The following PTPRG variants were observed in gnomAD, a reference collection of about 807,000 sequenced individuals.
PTPRG encodes receptor-type tyrosine-protein phosphatase gamma.
A neutral mutation model predicts 165.3 loss-of-function variants in PTPRG; 102 were observed. The observed-to-expected ratio is 0.62, with a 90% CI of 0.53 to 0.73. The LOEUF (loss-of-function observed/expected upper bound fraction) is 0.73. PTPRG is among the 30% of genes least tolerant of loss of function. PTPRG has a pLI of 0.00. For synonymous variants in PTPRG, 675 were observed against 669.5 expected (o/e 1.01, Z -0.13); for missense variants, 1,866 against 1,861.4 (o/e 1.00, Z -0.05).
chr3:62,108,152 C>T (rs919783908), intron 5 of PTPRG, among the ~76,000 whole-genome samples: 1 of 151,980 alleles, frequency 6.6e-6, no homozygotes, highest in Non-Finnish European at 1.5e-5. Flanking sequence ...CCCATCAACC[C>T]GTCACCTACG....
chr3:61,940,656 TATTTA>T (rs2039599258), intron 2 of PTPRG, among the ~76,000 whole-genome samples: 1 of 91,718 alleles, frequency 1.1e-5, no homozygotes, highest in African/African-American at 3.4e-5. Context: ...TGCTTTTATT[TATTTA>T]TTTATTTATT....
chr3:62,155,709 G>C (rs1016429850), intron 6 of PTPRG, among the ~76,000 whole-genome samples: 3 of 152,132 alleles, frequency 2.0e-5, no homozygotes, highest in African/African-American at 7.2e-5. Flanking sequence ...GATTCTTGTT[G>C]GGTTTTTGCA....
intron 5 of PTPRG, among the ~76,000 whole-genome samples, chr3:62,085,522 T>C (rs1701723749): frequency 6.6e-6 from 1 of 152,184 alleles, no homozygotes; most frequent in African/African-American, 2.4e-5. Flanking sequence ...AGGTGATGAG[T>C]GAAGAGGGTT....
intron 4 of PTPRG, among the ~76,000 whole-genome samples, chr3:62,039,871 G>C (rs1700070749): frequency 6.6e-6 from 1 of 152,094 alleles, no homozygotes; most frequent in Admixed American, 6.6e-5. Context: ...TAATCATTAA[G>C]TATGTTTAAT....
intron 1 of PTPRG, among the ~76,000 whole-genome samples, chr3:61,706,509 TC>T (rs2031266443): frequency 2.0e-5 from 3 of 146,852 alleles, no homozygotes; most frequent in African/African-American, 7.4e-5. Context: ...TTTTTTTTTT[TC>T]GAGATGAAGT....
At chr3:62,128,914 C>T (rs988252932) in intron 5 of PTPRG, among the ~76,000 whole-genome samples, 3 of 151,886 alleles carry the variant, frequency 2.0e-5, no homozygotes, top group Non-Finnish European at 4.4e-5. Context: ...AACAAATCCA[C>T]TTATTAGCAT....
intron 1 of PTPRG, among the ~76,000 whole-genome samples, chr3:61,573,540 A>G (rs939554755): frequency 1.3e-5 from 2 of 152,216 alleles, no homozygotes; most frequent in Non-Finnish European, 2.9e-5. Flanking sequence ...CCCTTGTTTT[A>G]GTACATGTTC....
At chr3:61,652,251 G>A (rs1000315113) in intron 1 of PTPRG, among the ~76,000 whole-genome samples, 1 of 152,282 alleles carries the variant, frequency 6.6e-6, no homozygotes, top group Non-Finnish European at 1.5e-5. Context: ...AGGTTGCACC[G>A]AGCCCAGATC....
At chr3:61,611,603 C>T (rs985035082) in intron 1 of PTPRG, among the ~76,000 whole-genome samples, 3 of 152,140 alleles carry the variant, frequency 2.0e-5, no homozygotes, top group Non-Finnish European at 4.4e-5. Flanking sequence ...GAGCTGCTTT[C>T]CCCAAATTTG....
intron 2 of PTPRG, among the ~76,000 whole-genome samples, chr3:61,988,694 A>G (rs1425429190): frequency 6.6e-6 from 1 of 152,152 alleles, no homozygotes; most frequent in Non-Finnish European, 1.5e-5. Flanking sequence ...TCAATAAAGG[A>G]TTCAGTCTTA....
At chr3:61,636,447 A>G (rs1224600719) in intron 1 of PTPRG, among the ~76,000 whole-genome samples, 1 of 152,162 alleles carries the variant, frequency 6.6e-6, no homozygotes, top group Non-Finnish European at 1.5e-5. Context: ...ACTTAGCAAA[A>G]TATTTTCAAG....
At chr3:62,184,959 A>C (rs1010387319) in intron 8 of PTPRG, among the ~76,000 whole-genome samples, 1 of 151,750 alleles carries the variant, frequency 6.6e-6, no homozygotes, top group South Asian at 2.1e-4. Context: ...CTTGGAAATT[A>C]CACTGACTTT....
At chr3:61,759,799 G>GT (rs74970726) in intron 2 of PTPRG, among the ~76,000 whole-genome samples, 3,591 of 145,900 alleles carry the variant, frequency 0.025, 116 homozygotes, top group African/African-American at 0.077. Flanking sequence ...TCTTCTTGAG[G>GT]TTTTTTTTTT....
At chr3:62,265,399 TTTAC>T (rs1169662176) in intron 17 of PTPRG, among the ~76,000 whole-genome samples, 3 of 152,212 alleles carry the variant, frequency 2.0e-5, no homozygotes, top group East Asian at 3.9e-4. Flanking sequence ...AATGAAATTG[TTTAC>T]TTAGTTTTAT....
chr3:62,096,226 G>A (rs911368485), intron 5 of PTPRG, among the ~76,000 whole-genome samples: 2 of 152,132 alleles, frequency 1.3e-5, no homozygotes, highest in African/African-American at 4.8e-5. Flanking sequence ...AAGGGAGTTT[G>A]TTTCAGGCTC....
chr3:62,210,626 A>C lies in PTPRG; in HGVS notation c.2155+6676A>C, dbSNP rs1700337253. The stretch of plus-strand genomic sequence containing the variant: ...AACTGCTTATATCCACTTATACACG[A>C]GTTTTCTTCTGTCTCTGCTACCCCT... On this transcript the variant is annotated intron_variant, in intron 12 of 29. Coordinates refer to ENST00000474889, the MANE Select transcript of PTPRG (RefSeq NM_002841.4). This position sits in a 1 kb window ranked among gnomAD's most constrained non-coding sequence, Gnocchi z 4.1. Among the ~76,000 whole-genome samples the C allele has an allele frequency of 6.6e-6, 1 of 152,104 alleles. No individual in the cohort carries two copies. Among genetic ancestry groups the C allele is most frequent in the Non-Finnish European group, 1.5e-5 (1 of 68,024 alleles).
intron 2 of PTPRG, among the ~76,000 whole-genome samples, chr3:61,855,940 A>G (rs2037093623): frequency 6.6e-6 from 1 of 151,956 alleles, no homozygotes; most frequent in Admixed American, 6.6e-5. Context: ...GAAGAAACAG[A>G]TATCTCTATA....
intron 2 of PTPRG, among the ~76,000 whole-genome samples, chr3:61,876,851 C>G (rs184829902): frequency 6.6e-5 from 10 of 152,244 alleles, no homozygotes; most frequent in Admixed American, 4.6e-4. Flanking sequence ...ATACTTCTGC[C>G]TAATATCATT....
chr3:62,008,140 G>T (rs2041339825), intron 4 of PTPRG, among the ~76,000 whole-genome samples: 1 of 152,110 alleles, frequency 6.6e-6, no homozygotes, highest in Admixed American at 6.6e-5. Flanking sequence ...CCTGTTCTGT[G>T]GTTGGTAACT....
Sources: gnomAD v4.1 joint callset for allele counts (sites outside exome capture counted in the v4.1 genomes callset) on GRCh38, gnomAD v4.1.1 for gene constraint, Gnocchi (gnomAD v3.1) non-coding constraint, MANE v1.5 for transcripts, NCBI Gene and HGNC (gene_info 2026-07-23, HGNC 2026-07-21) for gene names.